NOTCH1: variants seen among roughly 807,000 people sequenced by gnomAD.
NOTCH1 encodes neurogenic locus notch homolog protein 1.
A neutral mutation model predicts 254.8 loss-of-function variants in NOTCH1; 37 were observed. The ratio of observed to expected loss-of-function variants is 0.15; its 90% CI spans 0.11 to 0.19. NOTCH1 has a LOEUF of 0.19. Among genes scored for constraint, NOTCH1 ranks in the 10% least tolerant of loss-of-function variants. The probability of loss-of-function intolerance (pLI) is 1.00; values close to 1 mark genes in which losing one functional copy is unlikely to be tolerated. For missense variants in NOTCH1, 2,972 were observed against 3,708.6 expected (o/e 0.80, Z 5.16); for synonymous variants, 1,731 against 1,618.1 (o/e 1.07, Z -1.68).
chr9:136,543,732 G>C (rs1589083953), intron 2 of NOTCH1: 1 of 552,862 alleles, frequency 1.8e-6, no homozygotes, highest in Admixed American at 3.1e-5. Context: ...GTTTCTTGGG[G>C]ACTTAAAGAA....
rs536479643 is a variant in NOTCH1, at chr9:136,506,846, C to T, written c.3771G>A (p.Pro1257=). The T allele has an allele frequency of 2.2e-5, 35 of 1,612,110 alleles. No homozygotes were observed. The highest frequency in any genetic ancestry group is 1.9e-4 in the African/African-American group (14 of 74,998). ...QVGGYSCTCP[P]GFVGERCEGD... The stretch of plus-strand genomic sequence containing the variant: ...CCTCACAGCGCTCACCCACGAAGCC[C>T]GGCGGGCAGGTGCAGCTGTAGCCGC... Residue 1257 remains proline (P), a synonymous_variant, in exon 23 of 34, where the codon CCG becomes CCA. Coordinates refer to ENST00000651671, the MANE Select transcript of NOTCH1 (RefSeq NM_017617.5). The surrounding 1 kb of genome is among the most constrained non-coding windows in gnomAD (Gnocchi z 4.5).
Position 136,545,397 on chromosome 9 carries a change from C to T in NOTCH1, c.61+329G>A, listed in dbSNP as rs1843800074. On this transcript the variant is annotated intron_variant, in intron 1 of 33. Transcript: ENST00000651671. The surrounding 1 kb of genome is among the most constrained non-coding windows in gnomAD (Gnocchi z 6.8). ...ATCGAAAAATAGTAGGCAGCCCGCC[C>T]GCCCGGCCGACCGGCGGCAAGCCCC... Among the ~76,000 whole-genome samples the T allele has an allele frequency of 6.6e-6, 1 of 151,974 alleles. No individual in the cohort carries two copies. Among genetic ancestry groups the T allele is most frequent in the Non-Finnish European group, 1.5e-5 (1 of 67,958 alleles).
At chr9:136,529,278 G>A (rs1843521456) in intron 2 of NOTCH1, among the ~76,000 whole-genome samples, 1 of 152,244 alleles carries the variant, frequency 6.6e-6, no homozygotes, top group Non-Finnish European at 1.5e-5. Flanking sequence ...ACCTGGGTGG[G>A]GATGCTTCCC....
chr9:136,516,227 T>C lies in NOTCH1; in HGVS notation c.1556-133A>G, dbSNP rs4880100. On this transcript the variant is annotated intron_variant, in intron 9 of 33. Transcript: ENST00000651671. ...CACACTCAGCCTGAGCTCAGCCAGC[T>C]CCAGCTCTCCCTGCCTCCCGCTGCC... 0.41 allele frequency: 278,362 copies of C among 678,490 alleles called. 65,593 individuals are homozygous for C. The highest frequency in any genetic ancestry group is 0.86 in the East Asian group (31,778 of 36,812). 42.0% of individuals were successfully genotyped at this position (678,490 alleles called of 1,614,324 possible).
intron 8 of NOTCH1, 32 bp from the exon 9 acceptor site, chr9:136,517,417 G>T: frequency 7.0e-7 from 1 of 1,422,230 alleles, no homozygotes; most frequent in Non-Finnish European, 9.8e-7. Flanking sequence ...AGGGGGGCAC[G>T]CGCGGCCCCA....
rs935864785 is a variant in NOTCH1, at chr9:136,494,745, C to T, written c.*1326G>A. ...CCGAGCTGAGCCAAGTCTGACGTCC[C>T]TCACTGGCATGACACACAACAGACT... On this transcript the variant is annotated 3_prime_UTR_variant, in exon 34 of 34. Transcript: ENST00000651671. 2 of 398,606 alleles carry T rather than the reference C, an allele frequency of 5.0e-6. No homozygotes were observed. Among genetic ancestry groups the T allele is most frequent in the African/African-American group, 4.1e-5 (2 of 48,638 alleles). The allele number at this position is 398,606 out of a possible 1,614,324, so 24.7% of individuals were successfully genotyped here. A position where few individuals can be genotyped will look rare whatever the true frequency, so the allele number is the denominator to read the frequency against.
In NOTCH1 at chr9:136,495,023, A is replaced by T; in HGVS notation, c.*1048T>A. The stretch of plus-strand genomic sequence containing the variant: ...TGTGCCCGGCTCTGGCAAGTCTCCT[A>T]CAAAACACGGGAGCCCACGGGGGGT... On this transcript the variant is annotated 3_prime_UTR_variant, in exon 34 of 34. Coordinates refer to ENST00000651671, the MANE Select transcript of NOTCH1 (RefSeq NM_017617.5). 2.5e-6 allele frequency: 1 copy of T among 398,956 alleles called. No homozygotes were observed. The allele number at this position is 398,956 out of a possible 1,614,324, so 24.7% of individuals were successfully genotyped here.
At chr9:136,528,008 G>A (rs375890086) in intron 2 of NOTCH1, among the ~76,000 whole-genome samples, 1 of 152,078 alleles carries the variant, frequency 6.6e-6, no homozygotes, top group Non-Finnish European at 1.5e-5. Flanking sequence ...AGATGCTGCC[G>A]AGACCTTTCA....
chr9:136,522,674 G>A (rs1843391037), intron 4 of NOTCH1, 176 bp downstream of exon 4: 4 of 633,320 alleles, frequency 6.3e-6, no homozygotes, highest in Middle Eastern at 4.3e-4. Flanking sequence ...CGCACACCCC[G>A]CTCCAGACGC....
In NOTCH1 at chr9:136,508,893, C is replaced by T. The variant is rs957620650; in HGVS notation, c.3148G>A (p.Gly1050Ser). The change falls in exon 19 of 34, where the codon GGC (glycine) becomes AGC (serine). Residue 1050 changes from glycine (G) to serine (S), a missense_variant. Gly to Ser is a moderately conservative substitution (Grantham distance 56). Coordinates refer to ENST00000651671, the MANE Select transcript of NOTCH1 (RefSeq NM_017617.5). Reference sequence around the variant, plus strand: ...ACCTGGCAGTTGGGGCCAGTGTAGCCCTGGGGGCAGGTGCACCTGTAGGAG... The same window carrying T: ...ACCTGGCAGTTGGGGCCAGTGTAGCTCTGGGGGCAGGTGCACCTGTAGGAG... ...CGSYRCTCPQ[G>S]YTGPNCQNLV... 8 of 1,547,998 alleles carry T rather than the reference C, an allele frequency of 5.2e-6. No individual in the cohort carries two copies. The highest frequency in any genetic ancestry group is 6.1e-6 in the Non-Finnish European group (7 of 1,146,680).
chr9:136,525,561 C>T (rs754839953), intron 2 of NOTCH1, among the ~76,000 whole-genome samples: 2 of 152,216 alleles, frequency 1.3e-5, no homozygotes, highest in African/African-American at 2.4e-5. Flanking sequence ...CAGAGGGAAC[C>T]GTCCCGCCTT....
At position 136,515,731 on chromosome 9, in the gene NOTCH1, G is replaced by A. The variant is rs909199745; in HGVS notation, c.1670-15C>T. ...CCCCGTGTACCCTGGACCGTGGGAG[G>A]GGCGGGCACAGGAAGACTTAGGACT... On this transcript the variant is annotated splice_polypyrimidine_tract_variant and intron_variant, in intron 10 of 33. Coordinates refer to ENST00000651671, the MANE Select transcript of NOTCH1 (RefSeq NM_017617.5). The A allele has an allele frequency of 2.0e-6, 3 of 1,531,376 alleles. No individual in the cohort carries two copies. The highest frequency in any genetic ancestry group is 2.7e-5 in the African/African-American group (2 of 72,920). The allele number at this position is 1,531,376 out of a possible 1,614,324, so 94.9% of individuals were successfully genotyped here.
chr9:136,498,593 C>T (rs1347117759), intron 33 of NOTCH1, among the ~76,000 whole-genome samples: 1 of 152,154 alleles, frequency 6.6e-6, no homozygotes, highest in Non-Finnish European at 1.5e-5. Flanking sequence ...CAGCAGCGTT[C>T]CCCACGCCAG....
intron 33 of NOTCH1, among the ~76,000 whole-genome samples, chr9:136,498,028 G>A (rs1392165260): frequency 6.6e-6 from 1 of 152,124 alleles, no homozygotes; most frequent in African/African-American, 2.4e-5. Flanking sequence ...CGGTGGACAC[G>A]TCACAGGTCT....
intron 15 of NOTCH1, 28 bp downstream of exon 15, chr9:136,512,976 ACATAGGCCCCGCCCCCT>A: frequency 3.1e-6 from 1 of 326,672 alleles, no homozygotes; most frequent in Non-Finnish European, 5.7e-6. Context: ...CGCCCCTCCC[ACATAGGCCCCGCCCCCT>A]CCAGCACAGG....
chr9:136,533,700 C>T (rs1336109196), intron 2 of NOTCH1, among the ~76,000 whole-genome samples: 1 of 152,246 alleles, frequency 6.6e-6, no homozygotes, highest in African/African-American at 2.4e-5. Context: ...GGGGCAATGG[C>T]ACCTCCTCAG....
chr9:136,504,931 T>G lies in NOTCH1; in HGVS notation c.4760A>C (p.Asn1587Thr), dbSNP rs1478932098. ...VVLMPPEQLR[N>T]SSFHFLRELS... ...CTCCCGCAGGAAGTGGAAGGAGCTG[T>G]TGCGCAGCTGCTCCGGCGGCATCAG... Residue 1587 changes from asparagine to threonine, a missense_variant, in exon 26 of 34, where the codon AAC becomes ACC. Around this residue, in one of 8 missense-constraint regions of NOTCH1, gnomAD observed 1,343 missense variants for 1,557.0 expected, o/e 0.86. Coordinates refer to ENST00000651671, the MANE Select transcript of NOTCH1 (RefSeq NM_017617.5). 6.3e-7 allele frequency: 1 copy of G among 1,588,336 alleles called. No homozygotes were observed. Among genetic ancestry groups the G allele is most frequent in the Admixed American group, 1.8e-5 (1 of 56,548 alleles).
At position 136,515,493 on chromosome 9, in the gene NOTCH1, C is replaced by T. The variant is rs1438112465; in HGVS notation, c.1893G>A (p.Lys631=). The T allele has an allele frequency of 6.2e-7, 1 of 1,611,976 alleles. No individual in the cohort carries two copies. The highest frequency in any genetic ancestry group is 1.7e-5 in the Admixed American group (1 of 59,992). ...RDNAYLCFCL[K]GTTGPNCEIN... The stretch of plus-strand genomic sequence containing the variant: ...CGCCTGGCCGGCCACCTGTGGTCCC[C>T]TTCAGGCAGAAGCAGAGGTAGGCGT... The change falls in exon 11 of 34, where the codon AAG becomes AAA. Residue 631 remains lysine (K), a synonymous_variant. Transcript: ENST00000651671.
intron 5 of NOTCH1, 39 bp downstream of exon 5, chr9:136,519,404 G>C: frequency 6.2e-7 from 1 of 1,610,712 alleles, no homozygotes. Flanking sequence ...TAGCAGCCCC[G>C]CCCCGGCTAC....
Sources: allele counts gnomAD v4.1 joint callset (sites outside exome capture counted in the v4.1 genomes callset), GRCh38; gene constraint gnomAD v4.1.1; regional missense constraint gnomAD v4.1.1; non-coding constraint Gnocchi (gnomAD v3.1); transcripts MANE v1.5; gene names NCBI Gene and HGNC (gene_info 2026-07-23, HGNC 2026-07-21).